Variants in PCDHA4 observed in about 807,000 individuals in gnomAD.
PCDHA4 encodes protocadherin alpha-4.
In PCDHA4, 49 loss-of-function variants were observed where a neutral mutation model predicts 61.4. The ratio of observed to expected loss-of-function variants is 0.80; its 90% confidence interval spans 0.63 to 1.01. The LOEUF (loss-of-function observed/expected upper bound fraction) is 1.01. Ranked by LOEUF, PCDHA4 falls within the 50% of genes least tolerant of loss-of-function variation. The pLI is 0.00. For synonymous variants in PCDHA4, 590 were observed against 550.3 expected (o/e 1.07, Z -1.01); for missense variants, 1,254 against 1,235.8 (o/e 1.01, Z -0.22).
chr5:140,964,968 G>A lies in PCDHA4; in HGVS notation c.2386-13981G>A, dbSNP rs566051914. On this transcript the variant is annotated intron_variant, in intron 1 of 3. Coordinates refer to ENST00000530339, the MANE Select transcript of PCDHA4 (RefSeq NM_018907.4). ...GAGTGTGCTTGGTTGGTGGAACGAA[G>A]GGATGTGCTAGTTCAGGCCTTTGAA... 3.9e-5 allele frequency among the ~76,000 whole-genome samples: 6 copies of A among 152,326 alleles called. No individual in the cohort carries two copies. In the South Asian group the frequency reaches 1.0e-3, roughly 26 times the overall value.
intron 1 of PCDHA4, among the ~76,000 whole-genome samples, chr5:140,873,027 A>C (rs2054049034): frequency 6.6e-6 from 1 of 152,184 alleles, no homozygotes; most frequent in South Asian, 2.1e-4. Flanking sequence ...TATTCTTACT[A>C]CACGTAGAGT....
At position 140,906,523 on chromosome 5, in the gene PCDHA4, C is replaced by T. The variant is rs145617697; in HGVS notation, c.2386-72426C>T. Among the ~76,000 whole-genome samples, 1,221 of 152,284 alleles carry T rather than the reference C, an allele frequency of 8.0e-3. 6 individuals are homozygous for T. The highest frequency in any genetic ancestry group is 0.019 in the African/African-American group (786 of 41,540). On this transcript the variant is annotated intron_variant, in intron 1 of 3. Transcript: ENST00000530339. ...TTAACAAAGAAGGAGGAAATACTCA[C>T]GACAATTAAAATCCTCATTTCTGCA...
At chr5:140,965,066 G>A (rs931765352) in intron 1 of PCDHA4, among the ~76,000 whole-genome samples, 3 of 152,164 alleles carry the variant, frequency 2.0e-5, no homozygotes, top group Non-Finnish European at 4.4e-5. Flanking sequence ...CAAATGTCAG[G>A]TCTCACTCTG....
At chr5:140,940,497 C>T (rs1314378548) in intron 1 of PCDHA4, among the ~76,000 whole-genome samples, 1 of 151,818 alleles carries the variant, frequency 6.6e-6, no homozygotes, top group Non-Finnish European at 1.5e-5. Context: ...AAGTCTTGCT[C>T]CGTCGCTCAG....
chr5:140,830,048 G>C lies in PCDHA4; in HGVS notation c.2385+20476G>C, dbSNP rs2150180232. 24 of 1,613,674 alleles carry C rather than the reference G, an allele frequency of 1.5e-5. No homozygotes were observed. The highest frequency in any genetic ancestry group is 1.6e-4 in the Middle Eastern group (1 of 6,080). ...CCACCGGCTGCTGGTGCTGGTGAAA[G>C]ACCACGGTGAGCCGGCGCTGACAGC... On this transcript the variant is annotated intron_variant, in intron 1 of 3. Coordinates refer to ENST00000530339, the MANE Select transcript of PCDHA4 (RefSeq NM_018907.4).
rs549444106 is a variant in PCDHA4 at position 140,953,999 on chromosome 5, T to C, written c.2386-24950T>C. Among the ~76,000 whole-genome samples the C allele has an allele frequency of 1.1e-4, 16 of 152,294 alleles. No homozygotes were observed. In the South Asian group the frequency reaches 3.3e-3, roughly 32 times the overall value. ...CCCTTCATATTTTCATGTGTACTCA[T>C]CATTCAGCTCCCACACATAGTGGGA... is the stretch of plus-strand genomic sequence containing the variant. On this transcript the variant is annotated intron_variant, in intron 1 of 3. Transcript: ENST00000530339.
chr5:140,870,118 A>C, intron 1 of PCDHA4: 1 of 1,613,892 alleles, frequency 6.2e-7, no homozygotes, highest in Non-Finnish European at 8.5e-7. Context: ...CTGGGTGGAA[A>C]TCTTGGACAC....
intron 1 of PCDHA4, among the ~76,000 whole-genome samples, chr5:140,915,956 A>G (rs1170172761): frequency 6.6e-6 from 1 of 151,996 alleles, no homozygotes; most frequent in African/African-American, 2.4e-5. Flanking sequence ...ATACTTAGAA[A>G]TTTGCCTGAT....
At chr5:140,862,209 A>C (rs2047255709) in intron 1 of PCDHA4, 2 of 201,904 alleles carry the variant, frequency 9.9e-6, no homozygotes, top group South Asian at 2.0e-4. Flanking sequence ...TGATCACTGC[A>C]CAGACTTGAT....
chr5:140,953,050 A>C (rs1169479924), intron 1 of PCDHA4, among the ~76,000 whole-genome samples: 1 of 152,122 alleles, frequency 6.6e-6, no homozygotes, highest in African/African-American at 2.4e-5. Flanking sequence ...TGATCCAATC[A>C]CCTCTCACAG....
intron 1 of PCDHA4, chr5:140,855,998 G>T: frequency 6.6e-7 from 1 of 1,511,404 alleles, no homozygotes; most frequent in Non-Finnish European, 8.9e-7. Flanking sequence ...CAGATCGTAT[G>T]TGCGTTCTAG....
chr5:140,835,553 GC>G (rs1562346657), intron 1 of PCDHA4: 4 of 1,613,754 alleles, frequency 2.5e-6, no homozygotes, highest in Non-Finnish European at 3.4e-6. Flanking sequence ...GCTCCCTGAC[GC>G]CCCGCGTTCC....
intron 1 of PCDHA4, among the ~76,000 whole-genome samples, chr5:140,886,962 G>A (rs1017446014): frequency 6.6e-6 from 1 of 151,842 alleles, no homozygotes; most frequent in African/African-American, 2.4e-5. Context: ...ATTTAGCAAC[G>A]AAATTTATTA....
At chr5:140,857,146 C>T (rs1554149571) in intron 1 of PCDHA4, 3 of 1,598,132 alleles carry the variant, frequency 1.9e-6, no homozygotes, top group East Asian at 2.2e-5. Flanking sequence ...AAGTGGGCAC[C>T]GTCATTGCCC....
chr5:140,929,162 G>T (rs2153599635), intron 1 of PCDHA4: 4 of 1,614,060 alleles, frequency 2.5e-6, no homozygotes, highest in Non-Finnish European at 3.4e-6. Context: ...TATCTCTATC[G>T]GGCCTCTCTG....
At chr5:140,936,986 A>G (rs2091244455) in intron 1 of PCDHA4, among the ~76,000 whole-genome samples, 1 of 151,898 alleles carries the variant, frequency 6.6e-6, no homozygotes, top group Non-Finnish European at 1.5e-5. Context: ...GCTTGTTAAC[A>G]TTGACAATAT....
Position 140,870,925 on chromosome 5 carries a change from T to C in PCDHA4, c.2385+61353T>C, listed in dbSNP as rs1554164841. 8 of 1,613,916 alleles carry C rather than the reference T, an allele frequency of 5.0e-6. No homozygotes were observed. In the Admixed American group the frequency reaches 8.3e-5, roughly 17 times the overall value. On this transcript the variant is annotated intron_variant, in intron 1 of 3. Transcript: ENST00000530339. Reference sequence around the variant, plus strand: ...CTCAGGCTACAACGCGTGGCTTTCATATGAATTGCAGCCGGCGGCGGGCGG... The same window carrying C: ...CTCAGGCTACAACGCGTGGCTTTCACATGAATTGCAGCCGGCGGCGGGCGG...
At chr5:140,850,799 C>G (rs576094644) in intron 1 of PCDHA4, 1 of 1,598,148 alleles carries the variant, frequency 6.3e-7, no homozygotes, top group Non-Finnish European at 8.6e-7. Context: ...AGAAGACCGA[C>G]CTCATGGCCT....
chr5:140,874,534 CA>C (rs782798422), intron 1 of PCDHA4, among the ~76,000 whole-genome samples: 5 of 152,202 alleles, frequency 3.3e-5, no homozygotes, highest in Non-Finnish European at 5.9e-5. Flanking sequence ...GATTAGGCTC[CA>C]AAACCCTTTA....
Sources: allele counts gnomAD v4.1 joint callset (sites outside exome capture counted in the v4.1 genomes callset), GRCh38; gene constraint gnomAD v4.1.1; transcripts MANE v1.5; gene names NCBI Gene and HGNC (gene_info 2026-07-23, HGNC 2026-07-21).